Variants in OSBPL9 observed in about 807,000 individuals in gnomAD.
The protein encoded by OSBPL9 is oxysterol-binding protein-related protein 9.
A neutral mutation model predicts 106.6 loss-of-function variants in OSBPL9; 40 were observed. The observed-to-expected ratio is 0.38, with a 90% CI of 0.29 to 0.49. The LOEUF (loss-of-function observed/expected upper bound fraction) is 0.49, where lower values mean the gene tolerates loss of function less well. Among genes scored for constraint, OSBPL9 ranks in the 20% least tolerant of loss-of-function variants. OSBPL9 has a pLI of 0.97. For synonymous variants in OSBPL9, 269 were observed against 295.4 expected (o/e 0.91, Z 0.92); for missense variants, 609 against 887.2 (o/e 0.69, Z 3.98).
At chr1:51,696,293 T>C (rs1655996258) in intron 3 of OSBPL9, among the ~76,000 whole-genome samples, 1 of 151,966 alleles carries the variant, frequency 6.6e-6, no homozygotes, top group African/African-American at 2.4e-5. Context: ...TTTAAGAAAA[T>C]GAGAATGTTT....
At chr1:51,612,334 A>G (rs1416490241), upstream of OSBPL9, among the ~76,000 whole-genome samples, 1 of 152,182 alleles carries the variant, frequency 6.6e-6, no homozygotes, top group Non-Finnish European at 1.5e-5. Flanking sequence ...ATTTATTGAT[A>G]TTCTGAATGG....
chr1:51,656,491 A>T (rs148528750), intron 2 of OSBPL9, among the ~76,000 whole-genome samples: 1 of 151,814 alleles, frequency 6.6e-6, no homozygotes, highest in African/African-American at 2.4e-5. Context: ...TTCTTATATC[A>T]TGGAAGTTCT....
chr1:51,531,399 C>G, the OSBPL9 span, among the ~76,000 whole-genome samples: 1 of 151,908 alleles, frequency 6.6e-6, no homozygotes, highest in African/African-American at 2.4e-5. Context: ...TGCAATAATC[C>G]AGATATGATG....
At chr1:51,719,498 T>C (rs1661672896) in intron 4 of OSBPL9, among the ~76,000 whole-genome samples, 1 of 152,088 alleles carries the variant, frequency 6.6e-6, no homozygotes, top group East Asian at 1.9e-4. Flanking sequence ...GCTGAGAGAT[T>C]ATCAAGTAAG....
intron 11 of OSBPL9, 113 bp from the exon 12 acceptor site, chr1:51,765,709 T>G: frequency 1.9e-6 from 2 of 1,029,910 alleles, no homozygotes; most frequent in South Asian, 4.0e-5. Flanking sequence ...GTAGCGACTT[T>G]TACAAACTTA....
At chr1:51,784,705 A>ATTT in intron 20 of OSBPL9, 123 bp downstream of exon 20, 1 of 1,153,214 alleles carries the variant, frequency 8.7e-7, no homozygotes, top group Admixed American at 2.5e-5. Context: ...CGTGTTTCAC[A>ATTT]TTTTATGTGT....
chr1:51,573,956 T>C (rs749601319), upstream of OSBPL9: 5 of 152,200 alleles, frequency 3.3e-5, no homozygotes, highest in African/African-American at 7.2e-5. Context: ...GTATTTACCT[T>C]TATCTTTTTC....
intron 3 of OSBPL9, among the ~76,000 whole-genome samples, chr1:51,697,411 T>C (rs1490266709): frequency 6.6e-6 from 1 of 150,818 alleles, no homozygotes; most frequent in African/African-American, 2.4e-5. Context: ...TATTTCACAA[T>C]AACTTTCAGA....
upstream of OSBPL9, among the ~76,000 whole-genome samples, chr1:51,575,138 A>T (rs952994754): frequency 6.6e-6 from 1 of 152,054 alleles, no homozygotes. Context: ...ACTTTATTTG[A>T]TCTTCTCCTT....
intron 1 of OSBPL9, among the ~76,000 whole-genome samples, chr1:51,644,727 A>G (rs1646038235): frequency 6.6e-6 from 1 of 152,152 alleles, no homozygotes; most frequent in South Asian, 2.1e-4. Context: ...ATGGGAGAGC[A>G]AGTCTACTGA....
chr1:51,612,091 T>C (rs1643992101), intron 2 of OSBPL9, among the ~76,000 whole-genome samples: 1 of 152,230 alleles, frequency 6.6e-6, no homozygotes, highest in Non-Finnish European at 1.5e-5. Context: ...CCCTCCTCAT[T>C]TAATTCCATT....
At chr1:51,680,170 A>C (rs1245260404) in intron 3 of OSBPL9, among the ~76,000 whole-genome samples, 1 of 151,984 alleles carries the variant, frequency 6.6e-6, no homozygotes, top group East Asian at 1.9e-4. Flanking sequence ...TGGTAGAACC[A>C]CTTGAACCCG....
intron 3 of OSBPL9, chr1:51,710,002 CT>C (rs1659473112): frequency 1.3e-5 from 2 of 152,256 alleles, no homozygotes; most frequent in Admixed American, 1.3e-4. Flanking sequence ...GAATACTTAA[CT>C]ATTGTAGATT....
At chr1:51,612,702 T>C (rs937515551), upstream of OSBPL9, among the ~76,000 whole-genome samples, 5 of 152,262 alleles carry the variant, frequency 3.3e-5, no homozygotes, top group African/African-American at 1.2e-4. Context: ...TGATGCCTGG[T>C]GACCCTGATG....
chr1:51,585,133 C>T (rs1288340439), intron 1 of OSBPL9, among the ~76,000 whole-genome samples: 2 of 150,080 alleles, frequency 1.3e-5, no homozygotes. Context: ...ATCATCATGC[C>T]ACTGCACTCC....
chr1:51,548,055 C>T, the OSBPL9 span, among the ~76,000 whole-genome samples: 1 of 151,626 alleles, frequency 6.6e-6, no homozygotes, highest in Non-Finnish European at 1.5e-5. Context: ...ACACTGAATA[C>T]CTATTAATTT....
chr1:51,666,810 A>T (rs1648622584), intron 2 of OSBPL9, among the ~76,000 whole-genome samples: 2 of 152,202 alleles, frequency 1.3e-5, no homozygotes, highest in African/African-American at 2.4e-5. Context: ...AGTAATGCTG[A>T]CTTTATCTGT....
intron 8 of OSBPL9, chr1:51,752,492 G>C (rs1272813235): frequency 2.2e-6 from 1 of 455,648 alleles, no homozygotes. Context: ...TTTATTGACT[G>C]TCTACCCTAG....
chr1:51,572,553 G>T (rs532411254), upstream of OSBPL9, among the ~76,000 whole-genome samples: 1 of 152,232 alleles, frequency 6.6e-6, no homozygotes, highest in South Asian at 2.1e-4. Context: ...CAAGTGCAGC[G>T]TGCTATTTTT....
Sources: allele counts gnomAD v4.1 joint callset (sites outside exome capture counted in the v4.1 genomes callset), GRCh38; gene constraint gnomAD v4.1.1; transcripts MANE v1.5; gene names NCBI Gene and HGNC (gene_info 2026-07-23, HGNC 2026-07-21).